The following TAS2R1 variants were observed in gnomAD, a reference collection of about 807,000 sequenced individuals.
TAS2R1 encodes the protein taste receptor type 2 member 1.
For missense variants in TAS2R1, 370 were observed against 353.4 expected (o/e 1.05, Z -0.38); for synonymous variants, 141 against 134.2 (o/e 1.05, Z -0.35).
chr5:9,792,240 CAT>C, the TAS2R1 span, among the ~76,000 whole-genome samples: 1 of 152,204 alleles, frequency 6.6e-6, no homozygotes, highest in African/African-American at 2.4e-5. Flanking sequence ...GAAACACACA[CAT>C]ATATGCATGT....
the TAS2R1 span, chr5:9,765,375 T>C: frequency 6.6e-6 from 1 of 151,980 alleles, no homozygotes; most frequent in Admixed American, 6.6e-5. Context: ...TGGGATTCAG[T>C]GAAATAATTT....
At chr5:9,725,082 G>T in the TAS2R1 span, among the ~76,000 whole-genome samples, 1 of 152,244 alleles carries the variant, frequency 6.6e-6, no homozygotes, top group Non-Finnish European at 1.5e-5. Flanking sequence ...GGTGATGAGG[G>T]GGACTCCTGA....
At chr5:9,659,262 T>C (rs566209624) in intron 2 of TAS2R1, among the ~76,000 whole-genome samples, 3 of 152,238 alleles carry the variant, frequency 2.0e-5, no homozygotes, top group Admixed American at 2.0e-4. Flanking sequence ...GAATGAGTAG[T>C]ATCCCTCTCT....
At chr5:9,675,419 CTTT>C (rs35909213) in intron 1 of TAS2R1, among the ~76,000 whole-genome samples, 5 of 135,770 alleles carry the variant, frequency 3.7e-5, no homozygotes, top group East Asian at 2.1e-4. Context: ...TTTTCTTTTT[CTTT>C]TTTTTTTTTT....
upstream of TAS2R1, among the ~76,000 whole-genome samples, chr5:9,631,099 T>C (rs570328762): frequency 2.0e-5 from 3 of 152,276 alleles, no homozygotes; most frequent in Admixed American, 6.5e-5. Context: ...ACAGCCAAAA[T>C]GTTTCGAGAC....
chr5:9,717,339 A>G (rs765173731), upstream of TAS2R1, among the ~76,000 whole-genome samples: 11 of 151,982 alleles, frequency 7.2e-5, no homozygotes, highest in Non-Finnish European at 1.5e-4. Context: ...AAGGGGGAAT[A>G]AGGAGCCTGC....
chr5:9,875,734 G>A, the TAS2R1 span, among the ~76,000 whole-genome samples: 1 of 152,154 alleles, frequency 6.6e-6, no homozygotes, highest in Non-Finnish European at 1.5e-5. Context: ...GGGTTATGAG[G>A]ATTCCCCAAA....
the TAS2R1 span, among the ~76,000 whole-genome samples, chr5:9,738,253 G>A: frequency 6.6e-6 from 1 of 152,084 alleles, no homozygotes; most frequent in Non-Finnish European, 1.5e-5. Flanking sequence ...TAAGTCCAAG[G>A]GTAAGGCCCT....
intron 1 of TAS2R1, among the ~76,000 whole-genome samples, chr5:9,711,356 T>C (rs1734656485): frequency 6.6e-6 from 1 of 152,184 alleles, no homozygotes; most frequent in African/African-American, 2.4e-5. Flanking sequence ...AATCCTGTAA[T>C]ATGCTACAAC....
At chr5:9,742,580 T>A in the TAS2R1 span, among the ~76,000 whole-genome samples, 5 of 152,244 alleles carry the variant, frequency 3.3e-5, no homozygotes, top group Admixed American at 3.3e-4. Flanking sequence ...CATTTTTATG[T>A]CTTATTTAAG....
upstream of TAS2R1, among the ~76,000 whole-genome samples, chr5:9,632,830 C>G (rs375793732): frequency 8.5e-5 from 13 of 152,236 alleles, no homozygotes; most frequent in African/African-American, 2.6e-4. Context: ...TTGAACCCCT[C>G]CAAGTCATCA....
chr5:9,752,710 C>G, the TAS2R1 span, among the ~76,000 whole-genome samples: 1 of 151,952 alleles, frequency 6.6e-6, no homozygotes, highest in Non-Finnish European at 1.5e-5. Context: ...CCCCCCACCC[C>G]ACAATAGGCC....
At chr5:9,878,476 T>C in the TAS2R1 span, among the ~76,000 whole-genome samples, 2 of 152,244 alleles carry the variant, frequency 1.3e-5, no homozygotes, top group African/African-American at 4.8e-5. Flanking sequence ...AAATAGAATC[T>C]GACAGCATTT....
At chr5:9,633,829 G>A (rs1739921435), upstream of TAS2R1, among the ~76,000 whole-genome samples, 1 of 151,748 alleles carries the variant, frequency 6.6e-6, no homozygotes, top group South Asian at 2.1e-4. Flanking sequence ...TGAGTTCCTT[G>A]TAGATTCTGG....
chr5:9,751,414 T>C, the TAS2R1 span, among the ~76,000 whole-genome samples: 1 of 152,084 alleles, frequency 6.6e-6, no homozygotes, highest in Non-Finnish European at 1.5e-5. Context: ...TATATTCTCA[T>C]GAAACTAAAA....
At chr5:9,815,287 G>A in the TAS2R1 span, among the ~76,000 whole-genome samples, 2 of 152,288 alleles carry the variant, frequency 1.3e-5, no homozygotes, top group African/African-American at 4.8e-5. Context: ...CCAGAAATGT[G>A]GATTAGATGC....
upstream of TAS2R1, among the ~76,000 whole-genome samples, chr5:9,634,302 G>A (rs999995857): frequency 2.0e-5 from 3 of 152,052 alleles, no homozygotes; most frequent in Non-Finnish European, 4.4e-5. Context: ...TGGTCTATGT[G>A]CCTGTTTTTA....
the TAS2R1 span, among the ~76,000 whole-genome samples, chr5:9,792,168 T>C: frequency 6.6e-6 from 1 of 152,220 alleles, no homozygotes. Flanking sequence ...ATCTTTTTTT[T>C]ACCCTTGAAT....
At chr5:9,823,019 C>CAAAAAA in the TAS2R1 span, among the ~76,000 whole-genome samples, 2 of 114,386 alleles carry the variant, frequency 1.7e-5, no homozygotes, top group African/African-American at 3.4e-5. Flanking sequence ...TCCTCTCCAC[C>CAAAAAA]AAAAAAAAAA....
Sources: gnomAD v4.1 joint callset for allele counts (sites outside exome capture counted in the v4.1 genomes callset) on GRCh38, gnomAD v4.1.1 for gene constraint, MANE v1.5 for transcripts, NCBI Gene and HGNC (gene_info 2026-07-23, HGNC 2026-07-21) for gene names.